MYO16: variants seen among roughly 807,000 people sequenced by gnomAD.
MYO16 encodes myosin XVI.
Under a neutral mutation model 205.3 loss-of-function variants are expected in MYO16, and 94 were observed. The ratio of observed to expected loss-of-function variants is 0.46; its 90% CI spans 0.39 to 0.54. MYO16 has a LOEUF of 0.54. Among genes scored for constraint, MYO16 ranks in the 20% least tolerant of loss-of-function variants. MYO16 has a pLI of 0.00. For missense variants in MYO16, 2,315 were observed against 2,387.5 expected (o/e 0.97, Z 0.63); for synonymous variants, 988 against 954.0 (o/e 1.04, Z -0.66).
chr13:108,888,663 A>G (rs566157758), intron 14 of MYO16, among the ~76,000 whole-genome samples, 186 bp downstream of exon 14: 5 of 152,378 alleles, frequency 3.3e-5, no homozygotes, highest in African/African-American at 4.8e-5. Context: ...TTTATTTTAC[A>G]TATTTAAAAT....
chr13:108,529,515 C>A, the MYO16 span, among the ~76,000 whole-genome samples: 61 of 152,234 alleles, frequency 4.0e-4, no homozygotes, highest in African/African-American at 1.4e-3. Context: ...TTCACTAGAG[C>A]TACTGATGTT....
chr13:109,048,402 G>A (rs755132755), intron 24 of MYO16: 2 of 708,504 alleles, frequency 2.8e-6, no homozygotes, highest in Non-Finnish European at 2.6e-6. Context: ...TATACAGGAG[G>A]TGTCAGATTT....
intron 2 of MYO16, among the ~76,000 whole-genome samples, chr13:108,705,379 G>A (rs190571291): frequency 3.1e-4 from 47 of 152,186 alleles, no homozygotes; most frequent in Middle Eastern, 3.4e-3. Context: ...ATGCAACATC[G>A]CGGTGTCTAT....
intron 5 of MYO16, among the ~76,000 whole-genome samples, chr13:108,786,041 T>G (rs1886448102): frequency 6.6e-6 from 1 of 152,220 alleles, no homozygotes; most frequent in Admixed American, 6.5e-5. Flanking sequence ...TAATCTGTTC[T>G]CCCCTGGGAG....
chr13:108,640,444 G>A (rs992058424), intron 1 of MYO16, among the ~76,000 whole-genome samples: 1 of 152,122 alleles, frequency 6.6e-6, no homozygotes, highest in Non-Finnish European at 1.5e-5. Flanking sequence ...TATGAGCTTT[G>A]GCTACTAAAA....
intron 3 of MYO16, among the ~76,000 whole-genome samples, chr13:108,714,453 CTGTT>C (rs1179284334): frequency 2.0e-5 from 3 of 152,008 alleles, no homozygotes; most frequent in Admixed American, 6.6e-5. Context: ...GTCATTGTTG[CTGTT>C]ACTAGGAAAG....
chr13:108,802,001 T>C (rs1886982104), intron 6 of MYO16, among the ~76,000 whole-genome samples: 1 of 152,222 alleles, frequency 6.6e-6, no homozygotes, highest in Admixed American at 6.5e-5. Context: ...ATTTATGGGG[T>C]ACAGTGTGAA....
At chr13:109,126,149 AT>A (rs1057094532) in intron 30 of MYO16, among the ~76,000 whole-genome samples, 12 of 151,886 alleles carry the variant, frequency 7.9e-5, no homozygotes, top group Non-Finnish European at 1.3e-4. Flanking sequence ...GCCGATGTCA[AT>A]TTTTTTTTAT....
chr13:108,831,234 C>T (rs1876604826), intron 9 of MYO16, among the ~76,000 whole-genome samples: 1 of 152,146 alleles, frequency 6.6e-6, no homozygotes, highest in African/African-American at 2.4e-5. Flanking sequence ...GCCACTAAAA[C>T]ACATGCAGAA....
intron 10 of MYO16, among the ~76,000 whole-genome samples, chr13:108,852,368 C>G (rs972696125): frequency 2.6e-5 from 4 of 152,152 alleles, no homozygotes; most frequent in Non-Finnish European, 5.9e-5. Context: ...TTTCCATTAT[C>G]CACTGGAATT....
In MYO16 at chr13:109,085,359, T is replaced by C. The variant is rs369039774; in HGVS notation, c.3336-15426T>C. 2.0e-5 allele frequency among the ~76,000 whole-genome samples: 3 copies of C among 152,186 alleles called. No homozygotes were observed. The East Asian group carries it at 5.8e-4, about 29-fold the overall frequency. ...CTTCATTGAGCTGAAGAAAACGACA[T>C]AAACTTTCGAGATGTTTAGGATGTG... On this transcript the variant is annotated intron_variant, in intron 27 of 34. Transcript: ENST00000457511.
intron 4 of MYO16, among the ~76,000 whole-genome samples, chr13:108,753,898 G>C (rs111499009): frequency 0.035 from 5,295 of 152,280 alleles, 293 homozygotes; most frequent in African/African-American, 0.12. Context: ...TGAGGATTTG[G>C]CTGATCTCAG....
chr13:108,573,689 C>T, the MYO16 span, among the ~76,000 whole-genome samples: 10 of 152,184 alleles, frequency 6.6e-5, no homozygotes, highest in Non-Finnish European at 1.3e-4. Flanking sequence ...CCAGACTTCA[C>T]GGGCTCAGAG....
chr13:108,816,597 T>A (rs998112667), intron 7 of MYO16, among the ~76,000 whole-genome samples: 5 of 152,196 alleles, frequency 3.3e-5, no homozygotes, highest in Admixed American at 3.3e-4. Context: ...TCCCAATATG[T>A]CAGCTGAGTC....
chr13:109,087,038 TA>T (rs1888454268), intron 27 of MYO16, among the ~76,000 whole-genome samples: 1 of 152,244 alleles, frequency 6.6e-6, no homozygotes, highest in Admixed American at 6.5e-5. Context: ...ATTTTTAAAG[TA>T]ATATTTTTCC....
intron 20 of MYO16, among the ~76,000 whole-genome samples, chr13:108,985,447 A>C (rs1031053335): frequency 2.6e-5 from 4 of 152,150 alleles, no homozygotes; most frequent in Non-Finnish European, 5.9e-5. Context: ...TACTGAAGAT[A>C]CCCCCAAGAA....
At chr13:108,827,299 A>G (rs1308466759) in intron 9 of MYO16, among the ~76,000 whole-genome samples, 2 of 152,060 alleles carry the variant, frequency 1.3e-5, no homozygotes, top group Admixed American at 1.3e-4. Context: ...AGAATGGAAT[A>G]GTTCATTTTT....
chr13:109,060,208 T>G (rs914789576), intron 27 of MYO16, among the ~76,000 whole-genome samples: 13 of 152,228 alleles, frequency 8.5e-5, no homozygotes, highest in Non-Finnish European at 1.6e-4. Flanking sequence ...TCAGCACTAT[T>G]TGCAATAGCA....
intron 33 of MYO16, among the ~76,000 whole-genome samples, chr13:109,168,123 T>C (rs1254853653): frequency 6.6e-6 from 1 of 151,746 alleles, no homozygotes; most frequent in African/African-American, 2.4e-5. Flanking sequence ...TCATAAAAAG[T>C]CAACTCAAAA....
Sources: gnomAD v4.1 joint callset for allele counts (sites outside exome capture counted in the v4.1 genomes callset) on GRCh38, gnomAD v4.1.1 for gene constraint, MANE v1.5 for transcripts, NCBI Gene and HGNC (gene_info 2026-07-23, HGNC 2026-07-21) for gene names.